CADM2: variants seen among roughly 807,000 people sequenced by gnomAD.
CADM2 encodes the protein immunoglobulin superfamily member 4D.
Under a neutral mutation model 49.8 loss-of-function variants are expected in CADM2, and 12 were observed. That is an observed-to-expected ratio of 0.24 (90% CI 0.15 to 0.39). The LOEUF (loss-of-function observed/expected upper bound fraction) is 0.39. CADM2 is among the 10% of genes least tolerant of loss of function. The probability of loss-of-function intolerance (pLI) is 1.00; values close to 1 mark genes in which losing one functional copy is unlikely to be tolerated. For synonymous variants in CADM2, 214 were observed against 175.4 expected (o/e 1.22, Z -1.74); for missense variants, 378 against 492.3 (o/e 0.77, Z 2.20).
At chr3:85,405,487 C>A (rs1376160728) in intron 1 of CADM2, among the ~76,000 whole-genome samples, 2 of 152,122 alleles carry the variant, frequency 1.3e-5, no homozygotes, top group Non-Finnish European at 2.9e-5. Context: ...TCAAGCCAAA[C>A]CCTAAGCTCT....
At chr3:85,981,435 G>A (rs1016852743) in intron 8 of CADM2, among the ~76,000 whole-genome samples, 2 of 151,442 alleles carry the variant, frequency 1.3e-5, no homozygotes, top group African/African-American at 4.8e-5. Context: ...GGGATTTGGT[G>A]TACAAATTAT....
At chr3:85,224,038 A>G (rs2042097463) in intron 1 of CADM2, among the ~76,000 whole-genome samples, 2 of 152,092 alleles carry the variant, frequency 1.3e-5, no homozygotes, top group Admixed American at 6.6e-5. Context: ...AGTCTTTGCT[A>G]TTGTGAAGAG....
intron 1 of CADM2, among the ~76,000 whole-genome samples, chr3:85,603,873 T>C (rs982179906): frequency 1.3e-5 from 2 of 152,012 alleles, no homozygotes; most frequent in African/African-American, 4.8e-5. Context: ...TAACTTCTTA[T>C]CTTCATTTTT....
At chr3:85,612,844 A>T (rs1231455153) in intron 1 of CADM2, among the ~76,000 whole-genome samples, 2 of 151,954 alleles carry the variant, frequency 1.3e-5, no homozygotes, top group African/African-American at 4.8e-5. Context: ...TCAGTATATT[A>T]GTCACCTATT....
intron 8 of CADM2, among the ~76,000 whole-genome samples, chr3:86,016,919 C>A (rs1279939273): frequency 6.6e-6 from 1 of 151,946 alleles, no homozygotes; most frequent in Non-Finnish European, 1.5e-5. Context: ...TTAAAACTTT[C>A]ACTGATTTTT....
chr3:85,958,452 T>A (rs1724339286), intron 7 of CADM2, among the ~76,000 whole-genome samples: 1 of 151,930 alleles, frequency 6.6e-6, no homozygotes, highest in South Asian at 2.1e-4. Context: ...ACTGGATATA[T>A]ACATAAAGGA....
At chr3:85,247,475 A>G (rs965213803) in intron 1 of CADM2, among the ~76,000 whole-genome samples, 1 of 152,180 alleles carries the variant, frequency 6.6e-6, no homozygotes, top group African/African-American at 2.4e-5. Flanking sequence ...TTGTTCTTAC[A>G]TTCAACAAAT....
chr3:85,164,843 G>A (rs931566233), intron 1 of CADM2, among the ~76,000 whole-genome samples: 11 of 151,894 alleles, frequency 7.2e-5, no homozygotes, highest in African/African-American at 2.7e-4. Context: ...TTAAAATCGT[G>A]CTTTCAAGCT....
chr3:85,592,674 T>C (rs1307712743), intron 1 of CADM2, among the ~76,000 whole-genome samples: 1 of 151,658 alleles, frequency 6.6e-6, no homozygotes, highest in African/African-American at 2.4e-5. Flanking sequence ...CTTGAGAAAC[T>C]GCCTCAATGA....
rs778875950 is a variant in CADM2 at position 85,961,442 on chromosome 3, A to G, written c.792-27A>G. The G allele has an allele frequency of 3.4e-5, 52 of 1,508,138 alleles. No individual in the cohort carries two copies. The South Asian group carries it at 6.2e-4, about 18-fold the overall frequency. The allele number at this position is 1,508,138 out of a possible 1,614,324, so 93.4% of individuals were successfully genotyped here. On this transcript the variant is annotated intron_variant, in intron 7 of 9. Coordinates refer to ENST00000383699, the MANE Select transcript of CADM2 (RefSeq NM_001167675.2). ...ATATTTAACATTTCTTATTTTTGCT[A>G]TCTACATGCATGTTTCAATCCAATA...
rs115742574 is a variant in CADM2, at chr3:85,269,376, T to C, written c.61+309708T>C. 3.5e-3 allele frequency among the ~76,000 whole-genome samples: 529 copies of C among 151,492 alleles called. 2 individuals carry two copies. The highest frequency in any genetic ancestry group is 0.011 in the African/African-American group (464 of 41,496). The stretch of plus-strand genomic sequence containing the variant: ...AAAAATAAAATAGAAAAGTATGTAC[T>C]ATAAAAATTTTCAGAAGGAATATTG... On this transcript the variant is annotated intron_variant, in intron 1 of 9. Coordinates refer to ENST00000383699, the MANE Select transcript of CADM2 (RefSeq NM_001167675.2).
intron 1 of CADM2, among the ~76,000 whole-genome samples, chr3:85,650,979 A>G (rs897921088): frequency 1.3e-5 from 2 of 148,944 alleles, no homozygotes; most frequent in South Asian, 4.4e-4. Flanking sequence ...TTGCGCCTTC[A>G]TTTCTACCAT....
intron 8 of CADM2, among the ~76,000 whole-genome samples, chr3:86,017,461 G>T (rs2106977281): frequency 6.6e-6 from 1 of 152,054 alleles, no homozygotes; most frequent in South Asian, 2.1e-4. Flanking sequence ...GCTGGTCATG[G>T]TGGCACATGC....
chr3:85,447,480 C>G (rs1296445435), intron 1 of CADM2, among the ~76,000 whole-genome samples: 11 of 151,928 alleles, frequency 7.2e-5, no homozygotes, highest in Admixed American at 7.2e-4. Flanking sequence ...AAAGTTTTGC[C>G]CCTTATACAT....
intron 7 of CADM2, among the ~76,000 whole-genome samples, chr3:85,957,314 T>C (rs1194864146): frequency 6.6e-6 from 1 of 151,670 alleles, no homozygotes; most frequent in Non-Finnish European, 1.5e-5. Context: ...TATTATTATA[T>C]TTTTCCAATA....
At chr3:85,011,173 CT>C (rs201193246) in intron 1 of CADM2, among the ~76,000 whole-genome samples, 35 of 151,720 alleles carry the variant, frequency 2.3e-4, no homozygotes, top group African/African-American at 7.7e-4. Context: ...CTGTTTATGT[CT>C]TTTTTTTGTT....
At chr3:85,071,540 A>T (rs1296186114) in intron 1 of CADM2, among the ~76,000 whole-genome samples, 1 of 152,142 alleles carries the variant, frequency 6.6e-6, no homozygotes, top group Non-Finnish European at 1.5e-5. Flanking sequence ...TCTCTTCAAA[A>T]AATACAACCT....
At chr3:84,996,552 A>T (rs1353930674) in intron 1 of CADM2, among the ~76,000 whole-genome samples, 1 of 152,056 alleles carries the variant, frequency 6.6e-6, no homozygotes, top group Non-Finnish European at 1.5e-5. Flanking sequence ...AAATTAGGTT[A>T]CTCATTCAAT....
intron 2 of CADM2, among the ~76,000 whole-genome samples, chr3:85,799,219 G>A (rs1456153738): frequency 6.6e-6 from 1 of 152,202 alleles, no homozygotes; most frequent in Non-Finnish European, 1.5e-5. Context: ...TCTGCAAACA[G>A]AGATAATTTG....
Sources: gnomAD v4.1 joint callset for allele counts (sites outside exome capture counted in the v4.1 genomes callset) on GRCh38, gnomAD v4.1.1 for gene constraint, MANE v1.5 for transcripts, NCBI Gene and HGNC (gene_info 2026-07-23, HGNC 2026-07-21) for gene names.